GALM: variants seen among roughly 807,000 people sequenced by gnomAD.
GALM encodes aldose 1-epimerase.
In GALM, 43 loss-of-function variants were observed where a neutral mutation model predicts 37.4. The observed-to-expected ratio is 1.15, with a 90% CI of 0.90 to 1.48. The LOEUF (loss-of-function observed/expected upper bound fraction) is 1.48, where lower values mean the gene tolerates loss of function less well. GALM is among the 40% of genes most tolerant of loss of function. GALM has a pLI of 0.00. For missense variants in GALM, 456 were observed against 419.1 expected, an observed-to-expected ratio of 1.09 and a Z score of -0.77; for synonymous variants, 199 against 170.6, an observed-to-expected ratio of 1.17 and a Z score of -1.30.
chr2:38,670,534 C>T (rs556795886), intron 1 of GALM, among the ~76,000 whole-genome samples: 3 of 152,106 alleles, frequency 2.0e-5, no homozygotes, highest in African/African-American at 7.2e-5. Flanking sequence ...TAAAGCTGTG[C>T]GACCCCGGGC....
intron 3 of GALM, 131 bp downstream of exon 3, chr2:38,681,617 C>T (rs1268575540): frequency 5.5e-6 from 4 of 721,938 alleles, no homozygotes; most frequent in South Asian, 3.2e-5. Flanking sequence ...AAGGGCCCAG[C>T]AGAGGGCTTA....
At chr2:38,676,533 T>G (rs1665264176) in intron 2 of GALM, among the ~76,000 whole-genome samples, 1 of 152,064 alleles carries the variant, frequency 6.6e-6, no homozygotes, top group Non-Finnish European at 1.5e-5. Context: ...GAGGCCGAGG[T>G]GGGCAGGTCA....
intron 3 of GALM, 113 bp from the exon 4 acceptor site, chr2:38,689,700 A>G: frequency 1.5e-6 from 1 of 660,424 alleles, no homozygotes; most frequent in Non-Finnish European, 2.7e-6. Flanking sequence ...TCAGCCAAAC[A>G]AGATTTTAAA....
intron 4 of GALM, among the ~76,000 whole-genome samples, chr2:38,695,842 G>T (rs999342727): frequency 5.3e-5 from 8 of 151,320 alleles, no homozygotes; most frequent in Non-Finnish European, 1.2e-4. Context: ...GACTACAGGC[G>T]CGCATGCCAC....
intron 4 of GALM, among the ~76,000 whole-genome samples, chr2:38,703,076 ATATATATATATATATATTTTTTTTTTTT>A (rs1665956598): frequency 1.9e-4 from 1 of 5,362 alleles, no homozygotes; most frequent in African/African-American, 4.7e-4. Context: ...ATATATATAT[ATATATATATATATATATTTTTTTTTTTT>A]TTTTTTTTTT....
chr2:38,682,763 G>A (rs1416976591), intron 3 of GALM, among the ~76,000 whole-genome samples: 1 of 152,076 alleles, frequency 6.6e-6, no homozygotes, highest in African/African-American at 2.4e-5. Context: ...GGGCATGGTA[G>A]CGTGGGCCTG....
intron 1 of GALM, among the ~76,000 whole-genome samples, chr2:38,666,974 G>A (rs1282459846): frequency 6.6e-6 from 1 of 152,132 alleles, no homozygotes; most frequent in Non-Finnish European, 1.5e-5. Flanking sequence ...GGGCAATTAG[G>A]ATCAGGCATT....
intron 4 of GALM, among the ~76,000 whole-genome samples, chr2:38,729,099 C>G (rs1397008088): frequency 6.6e-6 from 1 of 152,148 alleles, no homozygotes; most frequent in African/African-American, 2.4e-5. Context: ...CTAGTTCCTT[C>G]TATAAAATGG....
At chr2:38,674,524 A>G (rs1465660505) in intron 1 of GALM, among the ~76,000 whole-genome samples, 1 of 152,164 alleles carries the variant, frequency 6.6e-6, no homozygotes, top group Non-Finnish European at 1.5e-5. Context: ...CATGTATAAT[A>G]ATAACATGAA....
intron 4 of GALM, among the ~76,000 whole-genome samples, chr2:38,690,770 A>G (rs1243129419): frequency 6.6e-6 from 1 of 152,136 alleles, no homozygotes; most frequent in East Asian, 1.9e-4. Context: ...TATGGCTGCT[A>G]GTTCAAACTT....
At chr2:38,730,544 T>A (rs915337219) in intron 5 of GALM, among the ~76,000 whole-genome samples, 1 of 152,086 alleles carries the variant, frequency 6.6e-6, no homozygotes, top group Non-Finnish European at 1.5e-5. Context: ...GGATTACAGG[T>A]GTAAGCCACT....
chr2:38,682,745 C>A (rs114077090), intron 3 of GALM, among the ~76,000 whole-genome samples: 4,763 of 151,854 alleles, frequency 0.031, 244 homozygotes, highest in African/African-American at 0.11. Flanking sequence ...AAAAATACAA[C>A]ATAAGCTGGG....
chr2:38,701,654 C>T (rs1457296062), intron 4 of GALM, among the ~76,000 whole-genome samples: 2 of 152,158 alleles, frequency 1.3e-5, no homozygotes, highest in Non-Finnish European at 2.9e-5. Context: ...CCCAGCAAGA[C>T]TTTTGTATTT....
intron 4 of GALM, among the ~76,000 whole-genome samples, chr2:38,702,905 T>C (rs1034778457): frequency 5.6e-5 from 8 of 141,792 alleles, no homozygotes; most frequent in Non-Finnish European, 9.1e-5. Flanking sequence ...TATATATATA[T>C]ACACTTTATT....
intron 4 of GALM, among the ~76,000 whole-genome samples, chr2:38,712,209 C>G (rs1217992490): frequency 1.3e-5 from 2 of 152,162 alleles, no homozygotes; most frequent in African/African-American, 4.8e-5. Context: ...TAGCTTCATG[C>G]TGTCTGTTAT....
chr2:38,729,527 C>A, intron 4 of GALM, 29 bp from the exon 5 acceptor site: 1 of 1,606,616 alleles, frequency 6.2e-7, no homozygotes, highest in South Asian at 1.1e-5. Flanking sequence ...GGGCATTTAT[C>A]ACCTTTGTTT....
rs1031602403 is a variant in GALM, at chr2:38,675,958, G to A, written c.237G>A (p.Val79=). Residue 79 remains valine, a synonymous_variant, in exon 2 of 7, where the codon GTG becomes GTA. Transcript: ENST00000272252. The stretch of plus-strand genomic sequence containing the variant: ...ACTTTGGAGCAGTTATTGGGAGGGT[G>A]GCCAACCGAATCGCCAAAGGAACCT... ...QPYFGAVIGR[V]ANRIAKGTFK... The A allele has an allele frequency of 3.7e-6, 6 of 1,614,054 alleles. No homozygotes were observed. Among genetic ancestry groups the A allele is most frequent in the Non-Finnish European group, 5.1e-6 (6 of 1,179,984 alleles).
rs140729498 is a variant in GALM, at chr2:38,720,901, C to T, written c.635-8655C>T. Among the ~76,000 whole-genome samples the T allele has an allele frequency of 3.5e-3, 530 of 152,316 alleles. 5 individuals carry two copies. Among genetic ancestry groups the T allele is most frequent in the African/African-American group, 0.012 (511 of 41,568 alleles). On this transcript the variant is annotated intron_variant, in intron 4 of 6. Coordinates refer to ENST00000272252, the MANE Select transcript of GALM (RefSeq NM_138801.3). Reference sequence around the variant, plus strand: ...GCGAGGCTGGAGCCTTTTACATAACCTGGCTGCAGAAATCACACAGCATTA... The same window carrying T: ...GCGAGGCTGGAGCCTTTTACATAACTTGGCTGCAGAAATCACACAGCATTA...
chr2:38,707,746 T>G (rs1243537965), intron 4 of GALM, among the ~76,000 whole-genome samples: 1 of 152,078 alleles, frequency 6.6e-6, no homozygotes. Flanking sequence ...TTTGGGTAGC[T>G]GAGTCGGAAG....
Sources: gnomAD v4.1 joint callset for allele counts (sites outside exome capture counted in the v4.1 genomes callset) on GRCh38, gnomAD v4.1.1 for gene constraint, MANE v1.5 for transcripts, NCBI Gene and HGNC (gene_info 2026-07-23, HGNC 2026-07-21) for gene names.